PIK3CA: variants seen among roughly 807,000 people sequenced by gnomAD.
PIK3CA encodes phosphatidylinositol-4,5-bisphosphate 3-kinase catalytic subunit alpha, also known as phosphatidylinositol 4,5-bisphosphate 3-kinase catalytic subunit alpha isoform.
A neutral mutation model predicts 138.2 loss-of-function variants in PIK3CA; 27 were observed. That is an observed-to-expected ratio of 0.20 (90% CI 0.14 to 0.27). PIK3CA has a LOEUF of 0.27. Among genes scored for constraint, PIK3CA ranks in the 10% least tolerant of loss-of-function variants. The pLI, the probability that PIK3CA is intolerant of heterozygous loss-of-function variation, is 1.00. For missense variants in PIK3CA, 544 were observed against 1,277.4 expected (o/e 0.43, Z 8.75); for synonymous variants, 358 against 413.2 (o/e 0.87, Z 1.62).
chr3:179,171,614 T>C (rs530890422), intron 1 of PIK3CA, among the ~76,000 whole-genome samples: 1 of 152,246 alleles, frequency 6.6e-6, no homozygotes, highest in East Asian at 1.9e-4. Flanking sequence ...TGAACAAGTT[T>C]ACAACAACCA....
Position 179,149,368 on chromosome 3 carries a change from A to G in PIK3CA, c.-77+765A>G, listed in dbSNP as rs144183442. 3.5e-3 allele frequency among the ~76,000 whole-genome samples: 530 copies of G among 152,226 alleles called. 3 individuals carry two copies. Among genetic ancestry groups the G allele is most frequent in the Admixed American group, 6.8e-3 (104 of 15,296 alleles). ...TGGGCTATGTAAACACCAGACGTTCAGCCGGCGTGTTTTTGACCTCGGCTC... is the reference window on the plus strand; with the variant it reads ...TGGGCTATGTAAACACCAGACGTTCGGCCGGCGTGTTTTTGACCTCGGCTC... On this transcript the variant is annotated intron_variant, in intron 1 of 20. Coordinates refer to ENST00000263967, the MANE Select transcript of PIK3CA (RefSeq NM_006218.4).
At chr3:179,225,782 G>C (rs1725068218) in intron 16 of PIK3CA, among the ~76,000 whole-genome samples, 180 bp from the exon 17 acceptor site, 1 of 152,086 alleles carries the variant, frequency 6.6e-6, no homozygotes, top group Non-Finnish European at 1.5e-5. Context: ...AAGGCTTTGA[G>C]TGGACATATA....
At chr3:179,182,135 C>A (rs1380948397) in intron 1 of PIK3CA, among the ~76,000 whole-genome samples, 1 of 152,166 alleles carries the variant, frequency 6.6e-6, no homozygotes, top group Non-Finnish European at 1.5e-5. Flanking sequence ...ACGTCTTCCT[C>A]TGTGCCTTTA....
At chr3:179,199,659 A>ATGT (rs756000501) in intron 2 of PIK3CA, 31 bp from the exon 3 acceptor site, 60 of 1,446,050 alleles carry the variant, frequency 4.1e-5, no homozygotes, top group Non-Finnish European at 4.8e-5. Context: ...ATGTAATAGA[A>ATGT]TGTTATATTC....
At chr3:179,183,608 C>T (rs916265897) in intron 1 of PIK3CA, among the ~76,000 whole-genome samples, 4 of 152,070 alleles carry the variant, frequency 2.6e-5, no homozygotes, top group African/African-American at 9.7e-5. Context: ...ACATTCTGTG[C>T]TTTATATCTA....
At position 179,225,841 on chromosome 3, in the gene PIK3CA, A is replaced by G. The variant is rs542682963; in HGVS notation, c.2417-121A>G. The G allele has an allele frequency of 6.3e-4, 345 of 551,020 alleles. 2 individuals are homozygous for G. The highest frequency in any genetic ancestry group is 6.0e-3 in the African/African-American group (319 of 52,736). 34.1% of individuals were successfully genotyped at this position (551,020 alleles called of 1,614,324 possible). On this transcript the variant is annotated intron_variant, in intron 16 of 20. Transcript: ENST00000263967. Reference sequence around the variant, plus strand: ...AAGAAATCAGAATATTGCTTTCCTGAAGTTTCTTTTGAAGAGTAAATATAG... The same window carrying G: ...AAGAAATCAGAATATTGCTTTCCTGGAGTTTCTTTTGAAGAGTAAATATAG...
At chr3:179,233,638 G>T (rs1438396458) in intron 20 of PIK3CA, among the ~76,000 whole-genome samples, 2 of 152,088 alleles carry the variant, frequency 1.3e-5, no homozygotes, top group Non-Finnish European at 2.9e-5. Flanking sequence ...CATACACTTT[G>T]AGGAAAGTCA....
chr3:179,158,217 T>C (rs1320903784), intron 1 of PIK3CA, among the ~76,000 whole-genome samples: 2 of 152,166 alleles, frequency 1.3e-5, no homozygotes, highest in African/African-American at 4.8e-5. Context: ...TTAAAACTTT[T>C]AAAATTTCAT....
intron 2 of PIK3CA, among the ~76,000 whole-genome samples, 188 bp downstream of exon 2, chr3:179,199,365 A>G (rs1461847382): frequency 6.6e-6 from 1 of 152,166 alleles, no homozygotes; most frequent in East Asian, 1.9e-4. Flanking sequence ...ATATTATTCC[A>G]TAAGGTTTTA....
At chr3:179,164,234 T>C (rs537444782) in intron 1 of PIK3CA, among the ~76,000 whole-genome samples, 1 of 152,258 alleles carries the variant, frequency 6.6e-6, no homozygotes, top group African/African-American at 2.4e-5. Flanking sequence ...GATGCTAATA[T>C]GGTGTCTTAG....
At chr3:179,218,557 TC>T (rs1416867993) in intron 10 of PIK3CA, among the ~76,000 whole-genome samples, 3 of 152,074 alleles carry the variant, frequency 2.0e-5, no homozygotes, top group African/African-American at 7.2e-5. Flanking sequence ...AAATGCTTTT[TC>T]TTACTCTGAA....
chr3:179,231,470 T>C (rs1335792358), intron 20 of PIK3CA, among the ~76,000 whole-genome samples: 1 of 152,106 alleles, frequency 6.6e-6, no homozygotes, highest in Non-Finnish European at 1.5e-5. Context: ...TGTTGTTTTT[T>C]GACTTTTTAA....
chr3:179,225,395 G>C (rs956673537), intron 16 of PIK3CA, among the ~76,000 whole-genome samples: 3 of 152,082 alleles, frequency 2.0e-5, no homozygotes, highest in South Asian at 4.1e-4. Flanking sequence ...AAAGGCTATG[G>C]GGGGAGTGAA....
At chr3:179,192,613 G>T (rs1724162725) in intron 1 of PIK3CA, among the ~76,000 whole-genome samples, 1 of 152,162 alleles carries the variant, frequency 6.6e-6, no homozygotes, top group African/African-American at 2.4e-5. Flanking sequence ...CTTTTTTTCT[G>T]CAAGATGCCA....
At chr3:179,191,949 G>A (rs569841102) in intron 1 of PIK3CA, among the ~76,000 whole-genome samples, 1 of 152,228 alleles carries the variant, frequency 6.6e-6, no homozygotes, top group East Asian at 1.9e-4. Flanking sequence ...AAAAACATAA[G>A]TATTTTAAAC....
chr3:179,170,899 CAG>C (rs1381161084), intron 1 of PIK3CA, among the ~76,000 whole-genome samples: 2 of 152,118 alleles, frequency 1.3e-5, no homozygotes, highest in East Asian at 3.9e-4. Flanking sequence ...GATAAGTAAA[CAG>C]AAAACAGGAT....
At chr3:179,233,978 AT>A (rs1261874973) in intron 20 of PIK3CA, 115 bp from the exon 21 acceptor site, 27 of 675,736 alleles carry the variant, frequency 4.0e-5, no homozygotes, top group Non-Finnish European at 5.2e-5. Context: ...GAGGAATGCT[AT>A]TTTTTTATAG....
chr3:179,177,377 G>C (rs993307570), intron 1 of PIK3CA, among the ~76,000 whole-genome samples: 28 of 146,190 alleles, frequency 1.9e-4, no homozygotes, highest in Admixed American at 7.6e-4. Context: ...CAGTGGCCTG[G>C]TCTCCACTCA....
At chr3:179,209,478 A>T in intron 6 of PIK3CA, 117 bp from the exon 7 acceptor site, 1 of 561,754 alleles carries the variant, frequency 1.8e-6, no homozygotes, top group South Asian at 3.2e-5. Flanking sequence ...TTTCCAATCA[A>T]TCTCTTTCCT....
Sources: gnomAD v4.1 joint callset for allele counts (sites outside exome capture counted in the v4.1 genomes callset) on GRCh38, gnomAD v4.1.1 for gene constraint, MANE v1.5 for transcripts, NCBI Gene and HGNC (gene_info 2026-07-23, HGNC 2026-07-21) for gene names.